Variants in GRM5 observed in about 807,000 individuals in gnomAD.
GRM5 encodes the protein metabotropic glutamate receptor 5.
Under a neutral mutation model 83.1 loss-of-function variants are expected in GRM5, and 19 were observed. That is an observed-to-expected ratio of 0.23 (90% CI 0.16 to 0.34). The LOEUF is 0.34. Ranked by LOEUF, GRM5 falls within the 10% of genes least tolerant of loss-of-function variation. The pLI is 1.00. For missense variants in GRM5, 1,160 were observed against 1,588.3 expected (o/e 0.73, Z 4.58); for synonymous variants, 675 against 633.6 (o/e 1.07, Z -0.98).
At chr11:88,751,090 A>AT (rs1343408843) in intron 3 of GRM5, among the ~76,000 whole-genome samples, 23,454 of 140,238 alleles carry the variant, frequency 0.17, 2,054 homozygotes, top group Non-Finnish European at 0.26. Context: ...AAAAAAAAAA[A>AT]AAAAACAAAG....
intron 8 of GRM5, among the ~76,000 whole-genome samples, chr11:88,531,866 G>GC (rs1179426420): frequency 1.3e-5 from 2 of 151,824 alleles, no homozygotes; most frequent in East Asian, 1.9e-4. Flanking sequence ...ATCTACTATG[G>GC]CCCGTAGTCT....
At chr11:88,920,565 G>A (rs1258161797) in intron 2 of GRM5, among the ~76,000 whole-genome samples, 1 of 152,018 alleles carries the variant, frequency 6.6e-6, no homozygotes, top group African/African-American at 2.4e-5. Flanking sequence ...CTCATTGGAA[G>A]TACTACTAAT....
At chr11:88,576,557 C>T (rs924745895) in intron 7 of GRM5, among the ~76,000 whole-genome samples, 7 of 152,000 alleles carry the variant, frequency 4.6e-5, no homozygotes, top group Non-Finnish European at 1.0e-4. Context: ...ACAAATATTT[C>T]CTATTAATAT....
intron 9 of GRM5, among the ~76,000 whole-genome samples, chr11:88,521,620 C>T (rs1941692641): frequency 6.6e-6 from 1 of 152,116 alleles, no homozygotes; most frequent in Non-Finnish European, 1.5e-5. Context: ...TTTACTTCTC[C>T]TGCAATCAGG....
intron 2 of GRM5, among the ~76,000 whole-genome samples, chr11:88,888,658 C>G (rs1160249326): frequency 6.6e-6 from 1 of 152,112 alleles, no homozygotes; most frequent in African/African-American, 2.4e-5. Flanking sequence ...TTTGGCTTCT[C>G]TATCCCTGTG....
intron 4 of GRM5, among the ~76,000 whole-genome samples, chr11:88,637,322 A>G (rs1172160161): frequency 6.6e-6 from 1 of 151,662 alleles, no homozygotes; most frequent in Non-Finnish European, 1.5e-5. Flanking sequence ...ATTAAACTAA[A>G]GAGCTTCTGC....
intron 2 of GRM5, among the ~76,000 whole-genome samples, chr11:88,863,885 A>G (rs1315628067): frequency 6.6e-6 from 1 of 151,742 alleles, no homozygotes; most frequent in African/African-American, 2.4e-5. Flanking sequence ...CTTCTAGTCA[A>G]TGATCTCTGT....
Position 88,835,515 on chromosome 11 carries a change from G to C in GRM5, c.911+14391C>G, listed in dbSNP as rs187327742. On this transcript the variant is annotated intron_variant, in intron 3 of 9. Transcript: ENST00000305447. Reference sequence around the variant, plus strand: ...CCTCTGAGTATCATAGGAAGTGACTGGCAGATTTTAGGCCATGTAGTGTAT... The same window carrying C: ...CCTCTGAGTATCATAGGAAGTGACTCGCAGATTTTAGGCCATGTAGTGTAT... Among the ~76,000 whole-genome samples the C allele has an allele frequency of 4.9e-4, 75 of 152,242 alleles. No individual in the cohort carries two copies. The East Asian group carries it at 0.013, about 27-fold the overall frequency.
At chr11:88,714,873 CAG>C (rs1941366714) in intron 3 of GRM5, among the ~76,000 whole-genome samples, 2 of 152,070 alleles carry the variant, frequency 1.3e-5, no homozygotes, top group African/African-American at 4.8e-5. Flanking sequence ...CATGAAAAAT[CAG>C]AGCCTAGATA....
chr11:88,570,955 T>C (rs1052027993), intron 7 of GRM5, among the ~76,000 whole-genome samples: 12 of 152,140 alleles, frequency 7.9e-5, no homozygotes, highest in African/African-American at 2.9e-4. Flanking sequence ...CTGTTTCTAC[T>C]GCTAGGTCAT....
intron 4 of GRM5, among the ~76,000 whole-genome samples, chr11:88,616,392 T>G (rs1300828693): frequency 4.0e-4 from 6 of 14,836 alleles, no homozygotes; most frequent in African/African-American, 6.3e-4. Flanking sequence ...TTGGAGTGTT[T>G]TTTTTTTTTT....
chr11:88,573,266 A>G (rs990837739), intron 7 of GRM5, among the ~76,000 whole-genome samples: 2 of 152,170 alleles, frequency 1.3e-5, no homozygotes, highest in African/African-American at 4.8e-5. Flanking sequence ...TGTGTTCCCC[A>G]TAAGTCTAAT....
At chr11:88,548,386 C>T (rs1372450431) in intron 8 of GRM5, among the ~76,000 whole-genome samples, 1 of 152,118 alleles carries the variant, frequency 6.6e-6, no homozygotes, top group Non-Finnish European at 1.5e-5. Context: ...TAATCAAAAA[C>T]ATTTCAATCA....
chr11:88,664,213 A>T (rs1483952436), intron 3 of GRM5, among the ~76,000 whole-genome samples: 2 of 152,240 alleles, frequency 1.3e-5, no homozygotes, highest in East Asian at 1.9e-4. Flanking sequence ...CCTACCAAAC[A>T]TTGTCCTAAG....
chr11:88,563,492 C>T (rs759997693), intron 8 of GRM5, among the ~76,000 whole-genome samples: 4 of 152,166 alleles, frequency 2.6e-5, no homozygotes, highest in Non-Finnish European at 4.4e-5. Context: ...GGGACACACA[C>T]GACCCCATCC....
intron 4 of GRM5, among the ~76,000 whole-genome samples, chr11:88,633,005 A>G (rs1939019038): frequency 6.6e-6 from 1 of 152,154 alleles, no homozygotes; most frequent in Non-Finnish European, 1.5e-5. Context: ...AGTGTTCATC[A>G]ATATTTTGAA....
intron 2 of GRM5, among the ~76,000 whole-genome samples, chr11:88,980,861 G>A (rs1428775543): frequency 1.3e-5 from 2 of 151,952 alleles, no homozygotes; most frequent in African/African-American, 4.8e-5. Flanking sequence ...GATATAACCT[G>A]ACCTGTAGTA....
At chr11:88,986,727 C>CTTTTTTTTTTTT (rs60281684) in intron 2 of GRM5, among the ~76,000 whole-genome samples, 11 of 93,110 alleles carry the variant, frequency 1.2e-4, no homozygotes, top group South Asian at 4.3e-4. Context: ...TTTATTTTTG[C>CTTTTTTTTTTTT]TTTTTTTTTT....
chr11:88,967,276 T>A (rs907595196), intron 2 of GRM5, among the ~76,000 whole-genome samples: 1 of 125,208 alleles, frequency 8.0e-6, no homozygotes, highest in African/African-American at 3.2e-5. Context: ...TATATATATA[T>A]AAAATCTTCT....
Sources: gnomAD v4.1 joint callset for allele counts (sites outside exome capture counted in the v4.1 genomes callset) on GRCh38, gnomAD v4.1.1 for gene constraint, MANE v1.5 for transcripts, NCBI Gene and HGNC (gene_info 2026-07-23, HGNC 2026-07-21) for gene names.